Variants in ABCA12 observed in about 807,000 individuals in gnomAD.
The protein encoded by ABCA12 is ATP binding cassette subfamily A member 12.
A neutral mutation model predicts 293.5 loss-of-function variants in ABCA12; 156 were observed. The observed-to-expected ratio is 0.53, with a 90% CI of 0.47 to 0.61. The LOEUF is 0.61. Among genes scored for constraint, ABCA12 ranks in the 20% least tolerant of loss-of-function variants. The pLI is 0.00. For synonymous variants in ABCA12, 1,063 were observed against 1,108.0 expected (o/e 0.96, Z 0.81); for missense variants, 2,797 against 3,090.2 (o/e 0.91, Z 2.25).
At chr2:214,974,375 T>C (rs1329816805) in intron 35 of ABCA12, among the ~76,000 whole-genome samples, 3 of 152,196 alleles carry the variant, frequency 2.0e-5, no homozygotes, top group Non-Finnish European at 2.9e-5. Flanking sequence ...ACCAAGGTCA[T>C]GTTTACATGA....
chr2:214,967,848 G>C (rs1441418784), intron 38 of ABCA12, among the ~76,000 whole-genome samples: 1 of 152,090 alleles, frequency 6.6e-6, no homozygotes, highest in African/African-American at 2.4e-5. Context: ...CAAAGACTGT[G>C]TATGTCTCTT....
At chr2:214,947,326 A>G (rs183512923) in intron 48 of ABCA12, 96 bp downstream of exon 48, 474 of 1,559,248 alleles carry the variant, frequency 3.0e-4, no homozygotes, top group Non-Finnish European at 3.8e-4. Context: ...ACCTCAATAA[A>G]TGTTGACTGC....
At chr2:215,099,529 C>A (rs892772315) in intron 2 of ABCA12, among the ~76,000 whole-genome samples, 13 of 152,202 alleles carry the variant, frequency 8.5e-5, no homozygotes, top group African/African-American at 3.1e-4. Context: ...CCCGTCTCTA[C>A]TAAAAATACA....
chr2:215,042,931 G>A (rs1304098829), intron 7 of ABCA12, among the ~76,000 whole-genome samples: 1 of 151,978 alleles, frequency 6.6e-6, no homozygotes, highest in Non-Finnish European at 1.5e-5. Context: ...ATAAAAATGA[G>A]ATTATGTAGT....
At chr2:214,949,181 C>T in intron 45 of ABCA12, 32 bp from the exon 46 acceptor site, 1 of 1,505,334 alleles carries the variant, frequency 6.6e-7, no homozygotes. Flanking sequence ...AGATATAAGC[C>T]TTAATCCAAA....
chr2:215,045,738 G>T, intron 7 of ABCA12, 99 bp downstream of exon 7: 1 of 1,120,724 alleles, frequency 8.9e-7, no homozygotes, highest in Non-Finnish European at 1.3e-6. Context: ...TTTGCTCTGT[G>T]TTTAAATAAC....
intron 1 of ABCA12, among the ~76,000 whole-genome samples, chr2:215,137,888 T>C (rs1360727179): frequency 6.7e-6 from 1 of 149,042 alleles, no homozygotes; most frequent in Non-Finnish European, 1.5e-5. Flanking sequence ...AGTCATGTTC[T>C]TTTTTTTTTG....
At chr2:214,986,905 G>T (rs1699800274) in intron 27 of ABCA12, among the ~76,000 whole-genome samples, 177 bp from the exon 28 acceptor site, 1 of 152,202 alleles carries the variant, frequency 6.6e-6, no homozygotes, top group Non-Finnish European at 1.5e-5. Flanking sequence ...GTTGCAGAAT[G>T]AATAAGAGTG....
intron 2 of ABCA12, among the ~76,000 whole-genome samples, chr2:215,086,875 T>C (rs570490355): frequency 6.6e-6 from 1 of 152,212 alleles, no homozygotes; most frequent in East Asian, 1.9e-4. Flanking sequence ...AACAAGATTG[T>C]AGGGGACAAA....
intron 2 of ABCA12, among the ~76,000 whole-genome samples, chr2:215,081,047 T>C (rs1447254223): frequency 6.6e-6 from 1 of 152,236 alleles, no homozygotes; most frequent in Non-Finnish European, 1.5e-5. Context: ...AATAGTTTTA[T>C]GATGCCAGTT....
At chr2:214,982,667 C>T (rs535616402) in intron 29 of ABCA12, among the ~76,000 whole-genome samples, 3 of 152,082 alleles carry the variant, frequency 2.0e-5, no homozygotes, top group African/African-American at 7.2e-5. Context: ...TAATTCATTC[C>T]TTTGACAAAT....
At chr2:214,965,506 G>T (rs576119834) in intron 39 of ABCA12, among the ~76,000 whole-genome samples, 1 of 152,090 alleles carries the variant, frequency 6.6e-6, no homozygotes, top group South Asian at 2.1e-4. Flanking sequence ...CTAATATCCA[G>T]AGTCTTTAAA....
chr2:215,100,743 A>G (rs1277563884), intron 2 of ABCA12, among the ~76,000 whole-genome samples: 2 of 152,218 alleles, frequency 1.3e-5, no homozygotes, highest in Non-Finnish European at 2.9e-5. Flanking sequence ...ACATCCTTGT[A>G]GAATATAAAT....
At chr2:214,934,917 G>A (rs1415619389) in intron 51 of ABCA12, among the ~76,000 whole-genome samples, 1 of 151,906 alleles carries the variant, frequency 6.6e-6, no homozygotes, top group Admixed American at 6.6e-5. Flanking sequence ...ATGCTTATTA[G>A]TCCACATCTT....
intron 51 of ABCA12, among the ~76,000 whole-genome samples, chr2:214,936,474 A>G (rs984553393): frequency 1.3e-5 from 2 of 152,224 alleles, no homozygotes; most frequent in Non-Finnish European, 2.9e-5. Flanking sequence ...ATTTCTTTTT[A>G]TCATTCCACG....
intron 32 of ABCA12, 86 bp downstream of exon 32, chr2:214,978,717 AT>A: frequency 2.1e-6 from 3 of 1,452,030 alleles, no homozygotes; most frequent in East Asian, 2.3e-5. Context: ...TATTTTAAAA[AT>A]TTTTTTAGAA....
chr2:214,958,218 G>T, intron 41 of ABCA12, 59 bp downstream of exon 41: 1 of 1,584,564 alleles, frequency 6.3e-7, no homozygotes, highest in South Asian at 1.1e-5. Context: ...ATAGAAAACT[G>T]ATGTCTTCTA....
intron 1 of ABCA12, among the ~76,000 whole-genome samples, chr2:215,125,364 AT>A (rs1702900377): frequency 6.6e-6 from 1 of 152,104 alleles, no homozygotes; most frequent in African/African-American, 2.4e-5. Context: ...TGGGTATTGC[AT>A]TGAATTTGTA....
chr2:215,050,911 C>A lies in ABCA12; in HGVS notation c.508-1100G>T, dbSNP rs376229381. On this transcript the variant is annotated intron_variant, in intron 5 of 52. Transcript: ENST00000272895. ...CAATATATCATCCTAATTTTTACAT[C>A]CCTTCCCTGCTCCAACTACTCTAAA... 21 of 657,514 alleles carry A rather than the reference C, an allele frequency of 3.2e-5. No homozygotes were observed. In the East Asian group the frequency reaches 4.1e-4, roughly 13 times the overall value. The allele number at this position is 657,514 out of a possible 1,614,324, so 40.7% of individuals were successfully genotyped here.
Sources: allele counts gnomAD v4.1 joint callset (sites outside exome capture counted in the v4.1 genomes callset), GRCh38; gene constraint gnomAD v4.1.1; transcripts MANE v1.5; gene names NCBI Gene and HGNC (gene_info 2026-07-23, HGNC 2026-07-21).